Variants in LARGE1 observed in about 807,000 individuals in gnomAD.
LARGE1 encodes LARGE xylosyl- and glucuronyltransferase 1.
Under a neutral mutation model 87.6 loss-of-function variants are expected in LARGE1, and 43 were observed. The observed-to-expected ratio is 0.49, with a 90% CI of 0.38 to 0.63. The LOEUF (loss-of-function observed/expected upper bound fraction) is 0.63. Among genes scored for constraint, LARGE1 ranks in the 30% least tolerant of loss-of-function variants. The pLI, the probability that LARGE1 is intolerant of heterozygous loss-of-function variation, is 0.00. For missense variants in LARGE1, 802 were observed against 1,000.2 expected (o/e 0.80, Z 2.67); for synonymous variants, 434 against 394.6 (o/e 1.10, Z -1.18).
At chr22:33,465,618 C>T (rs1205490589) in intron 6 of LARGE1, among the ~76,000 whole-genome samples, 1 of 152,204 alleles carries the variant, frequency 6.6e-6, no homozygotes, top group East Asian at 1.9e-4. Flanking sequence ...TACCATAAGG[C>T]GTTCTTTAAG....
intron 4 of LARGE1, among the ~76,000 whole-genome samples, chr22:33,611,454 G>A (rs1350650901): frequency 6.6e-6 from 1 of 152,228 alleles, no homozygotes; most frequent in Non-Finnish European, 1.5e-5. Context: ...TTGCAGACTT[G>A]TGTGGGGGCC....
chr22:33,886,546 C>T (rs2064849656), intron 1 of LARGE1, among the ~76,000 whole-genome samples: 1 of 149,802 alleles, frequency 6.7e-6, no homozygotes, highest in African/African-American at 2.4e-5. Flanking sequence ...GCATGGTGGC[C>T]CACACCTGTA....
intron 2 of LARGE1, among the ~76,000 whole-genome samples, chr22:33,656,250 G>T (rs1465611289): frequency 6.6e-6 from 1 of 152,180 alleles, no homozygotes; most frequent in East Asian, 1.9e-4. Flanking sequence ...CACAATTATG[G>T]TGAAAGGTGA....
the LARGE1 span, among the ~76,000 whole-genome samples, chr22:33,072,059 G>A: frequency 6.6e-6 from 1 of 151,984 alleles, no homozygotes; most frequent in South Asian, 2.1e-4. Context: ...TGGACACCAA[G>A]TGGGTTGCTT....
rs189420910 is a variant in LARGE1, at chr22:33,585,657, C to T, written c.615+18778G>A. ...AACCACCACTCTTGGAACTGCCAAT[C>T]GAAGGGCTTCTTGATATTTGACACA... On this transcript the variant is annotated intron_variant, in intron 5 of 14. Coordinates refer to ENST00000397394, the MANE Select transcript of LARGE1 (RefSeq NM_133642.5). 1.7e-3 allele frequency among the ~76,000 whole-genome samples: 254 copies of T among 152,274 alleles called. 1 individual carries two copies. The highest frequency in any genetic ancestry group is 5.6e-3 in the African/African-American group (231 of 41,558).
At chr22:33,460,754 C>T (rs922637579) in intron 6 of LARGE1, among the ~76,000 whole-genome samples, 2 of 152,102 alleles carry the variant, frequency 1.3e-5, no homozygotes, top group African/African-American at 2.4e-5. Context: ...GAGAACAAAG[C>T]GTAAAGACAG....
intron 12 of LARGE1, among the ~76,000 whole-genome samples, chr22:33,293,650 G>A (rs545412231): frequency 1.3e-5 from 2 of 152,182 alleles, no homozygotes; most frequent in Admixed American, 6.5e-5. Context: ...AGGAGGCTAC[G>A]ATCTGTGTAC....
At chr22:33,533,376 G>A (rs1007542626) in intron 6 of LARGE1, among the ~76,000 whole-genome samples, 3 of 152,066 alleles carry the variant, frequency 2.0e-5, no homozygotes, top group South Asian at 2.1e-4. Context: ...GGTTCCATTC[G>A]AGCACCTTCC....
intron 2 of LARGE1, among the ~76,000 whole-genome samples, chr22:33,721,753 G>T (rs766542480): frequency 6.6e-5 from 10 of 152,210 alleles, no homozygotes; most frequent in Non-Finnish European, 1.3e-4. Flanking sequence ...GAAGGACAAA[G>T]AACTTCTCAC....
chr22:33,845,088 A>C (rs542857660), intron 1 of LARGE1, among the ~76,000 whole-genome samples: 5 of 152,236 alleles, frequency 3.3e-5, no homozygotes, highest in African/African-American at 1.2e-4. Context: ...AAATGCAAAG[A>C]TCTAAAACAC....
rs569230567 is a variant in LARGE1 at position 33,552,632 on chromosome 22, CAAAGAT to C, written c.787+12210_787+12215del. 4.9e-3 allele frequency among the ~76,000 whole-genome samples: 742 copies of C among 152,162 alleles called. 3 individuals carry two copies. Among genetic ancestry groups the C allele is most frequent in the African/African-American group, 0.017 (704 of 41,508 alleles). On this transcript the variant is annotated intron_variant, in intron 6 of 14. Coordinates refer to ENST00000397394, the MANE Select transcript of LARGE1 (RefSeq NM_133642.5). ...CGCCCTCCTTCTCCCCTGTACAACT[CAAAGAT>C]AAAAAGAAAAGCTAGAGAGATATTG...
At chr22:33,631,729 T>C (rs906421953) in intron 3 of LARGE1, among the ~76,000 whole-genome samples, 2 of 152,238 alleles carry the variant, frequency 1.3e-5, no homozygotes, top group Non-Finnish European at 2.9e-5. Context: ...GATAGTATGA[T>C]AAATACATAC....
the LARGE1 span, among the ~76,000 whole-genome samples, chr22:33,138,714 G>T: frequency 2.6e-5 from 4 of 152,186 alleles, no homozygotes; most frequent in African/African-American, 9.6e-5. Context: ...AAACTGCTGG[G>T]ATTGCAGGCA....
rs1308890040 is a variant in LARGE1 at position 33,273,523 on chromosome 22, T to C, written c.*904A>G. 7 of 398,632 alleles carry C rather than the reference T, an allele frequency of 1.8e-5. No homozygotes were observed. Among genetic ancestry groups the C allele is most frequent in the Middle Eastern group, 6.2e-4 (1 of 1,612 alleles). 24.7% of individuals were successfully genotyped at this position (398,632 alleles called of 1,614,324 possible). ...TTTCCCATGAATCAGTCACTGCCAA[T>C]AGAAAATGTGACCGGTGTAAAACAG... On this transcript the variant is annotated 3_prime_UTR_variant, in exon 15 of 15. Coordinates refer to ENST00000397394, the MANE Select transcript of LARGE1 (RefSeq NM_133642.5).
chr22:33,857,345 A>G (rs770979839), intron 1 of LARGE1, among the ~76,000 whole-genome samples: 2 of 152,238 alleles, frequency 1.3e-5, no homozygotes, highest in African/African-American at 4.8e-5. Context: ...GGAGCTTTTG[A>G]TACCCAGACA....
At chr22:33,395,859 G>T (rs116386425) in intron 7 of LARGE1, among the ~76,000 whole-genome samples, 12 of 152,372 alleles carry the variant, frequency 7.9e-5, no homozygotes, top group African/African-American at 2.9e-4. Context: ...GGAGATGATT[G>T]ATTAGGGTTA....
chr22:33,160,700 T>C (rs746266347), downstream of LARGE1, among the ~76,000 whole-genome samples: 3 of 152,230 alleles, frequency 2.0e-5, no homozygotes, highest in Non-Finnish European at 2.9e-5. Flanking sequence ...GGAGGTTGCG[T>C]GGAGGCAGTA....
chr22:33,778,512 G>C (rs562610112), intron 1 of LARGE1, among the ~76,000 whole-genome samples: 1 of 152,218 alleles, frequency 6.6e-6, no homozygotes, highest in African/African-American at 2.4e-5. Flanking sequence ...ACCAACATCT[G>C]CTTTCTGCCT....
intron 9 of LARGE1, among the ~76,000 whole-genome samples, chr22:33,345,365 T>C (rs1361711962): frequency 2.0e-5 from 3 of 151,794 alleles, no homozygotes; most frequent in Non-Finnish European, 2.9e-5. Flanking sequence ...TAAATGAACA[T>C]GAGATTGACA....
Sources: gnomAD v4.1 joint callset for allele counts (sites outside exome capture counted in the v4.1 genomes callset) on GRCh38, gnomAD v4.1.1 for gene constraint, MANE v1.5 for transcripts, NCBI Gene and HGNC (gene_info 2026-07-23, HGNC 2026-07-21) for gene names.